Variants in THADA observed in about 807,000 individuals in gnomAD.
THADA encodes THADA armadillo repeat containing.
THADA carries 213 observed loss-of-function variants against 219.8 expected under a neutral mutation model. That is an observed-to-expected ratio of 0.97 (90% CI 0.87 to 1.09). THADA has a LOEUF of 1.09. THADA is among the 50% of genes least tolerant of loss of function. THADA has a pLI of 0.00. For missense variants in THADA, 2,956 were observed against 2,311.3 expected (o/e 1.28, Z -5.72); for synonymous variants, 1,018 against 828.9 (o/e 1.23, Z -3.92).
At chr2:43,578,485 T>C (rs1343968481) in intron 9 of THADA, 28 bp downstream of exon 9, 17 of 1,552,594 alleles carry the variant, frequency 1.1e-5, no homozygotes, top group African/African-American at 4.1e-5. Flanking sequence ...CTCAATAAAG[T>C]ACAATTCTAA....
chr2:43,348,603 A>C lies in THADA; in HGVS notation c.4228-4366T>G, dbSNP rs187018211. Reference sequence around the variant, plus strand: ...TAAACTAAAACAGCAATGGAAGGAGAGGAAAGGATACATCTGAGAGAGCTT... The same window carrying C: ...TAAACTAAAACAGCAATGGAAGGAGCGGAAAGGATACATCTGAGAGAGCTT... On this transcript the variant is annotated intron_variant, in intron 29 of 37. Coordinates refer to ENST00000405975, the MANE Select transcript of THADA (RefSeq NM_022065.5). 1.7e-3 allele frequency among the ~76,000 whole-genome samples: 260 copies of C among 152,208 alleles called. 2 individuals are homozygous for C. The highest frequency in any genetic ancestry group is 6.0e-3 in the African/African-American group (248 of 41,536).
At chr2:43,431,154 C>T (rs1388497018) in intron 26 of THADA, among the ~76,000 whole-genome samples, 1 of 152,168 alleles carries the variant, frequency 6.6e-6, no homozygotes, top group Non-Finnish European at 1.5e-5. Flanking sequence ...TATTCCCTAA[C>T]CTACCCATTT....
intron 25 of THADA, among the ~76,000 whole-genome samples, chr2:43,490,849 T>C (rs1687543215): frequency 6.6e-6 from 1 of 152,096 alleles, no homozygotes; most frequent in South Asian, 2.1e-4. Context: ...AGGCATCCAC[T>C]GGGGGTCTTG....
rs1185051658 is a variant in THADA at position 43,595,936 on chromosome 2, G to A, written c.-30C>T. 6 of 152,344 alleles carry A rather than the reference G, an allele frequency of 3.9e-5. No homozygotes were observed. Among genetic ancestry groups the A allele is most frequent in the African/African-American group, 1.2e-4 (5 of 41,462 alleles). The allele number at this position is 152,344 out of a possible 1,614,324, so 9.4% of individuals were successfully genotyped here. On this transcript the variant is annotated 5_prime_UTR_variant, in exon 1 of 38. Coordinates refer to ENST00000405975, the MANE Select transcript of THADA (RefSeq NM_022065.5). ...AGGACACCTGGGAGCCAAACCTCGTGCACGTCGGCGTCTGAGAAGAGTCGC... is the reference window on the plus strand; with the variant it reads ...AGGACACCTGGGAGCCAAACCTCGTACACGTCGGCGTCTGAGAAGAGTCGC...
intron 26 of THADA, among the ~76,000 whole-genome samples, chr2:43,448,773 C>A (rs1020726789): frequency 6.6e-6 from 1 of 151,988 alleles, no homozygotes; most frequent in Admixed American, 6.6e-5. Context: ...CTGACACAGA[C>A]AAAGCCTACC....
intron 13 of THADA, among the ~76,000 whole-genome samples, chr2:43,571,304 T>C (rs1699271961): frequency 6.8e-6 from 1 of 146,436 alleles, no homozygotes; most frequent in Non-Finnish European, 1.5e-5. Context: ...CAGGCTGGAG[T>C]GCAGTGGTAC....
At chr2:43,398,187 C>T (rs1401198039) in intron 28 of THADA, 48 bp from the exon 29 acceptor site, 8 of 1,582,810 alleles carry the variant, frequency 5.1e-6, no homozygotes, top group East Asian at 4.5e-5. Context: ...ATCTCCACAT[C>T]TGTGACTTTG....
At chr2:43,518,886 G>A (rs144923837) in intron 22 of THADA, among the ~76,000 whole-genome samples, 30 of 152,140 alleles carry the variant, frequency 2.0e-4, no homozygotes, top group Admixed American at 3.3e-4. Flanking sequence ...GGGAGTCCCA[G>A]GTCACACTAT....
At chr2:43,512,002 A>G (rs537666626) in intron 22 of THADA, among the ~76,000 whole-genome samples, 1 of 152,228 alleles carries the variant, frequency 6.6e-6, no homozygotes, top group Non-Finnish European at 1.5e-5. Context: ...GTATAACTGT[A>G]AACAGTGAAC....
At chr2:43,425,598 C>G (rs1416142242) in intron 28 of THADA, among the ~76,000 whole-genome samples, 2 of 152,056 alleles carry the variant, frequency 1.3e-5, no homozygotes, top group Admixed American at 1.3e-4. Context: ...GACTCTCAGG[C>G]CTCACCTCAG....
intron 28 of THADA, among the ~76,000 whole-genome samples, chr2:43,423,355 C>T (rs1459786672): frequency 2.6e-5 from 4 of 152,068 alleles, no homozygotes; most frequent in Non-Finnish European, 5.9e-5. Context: ...TTGGACTTTC[C>T]AGCATTTGAA....
At chr2:43,470,760 T>G (rs1224054029) in intron 26 of THADA, among the ~76,000 whole-genome samples, 1 of 152,170 alleles carries the variant, frequency 6.6e-6, no homozygotes, top group Non-Finnish European at 1.5e-5. Context: ...GTGAAACAGA[T>G]AGAGGCAACA....
chr2:43,310,281 G>T (rs1677362202), intron 31 of THADA, among the ~76,000 whole-genome samples: 1 of 130,580 alleles, frequency 7.7e-6, no homozygotes, highest in South Asian at 2.4e-4. Flanking sequence ...AAGGAACCCA[G>T]AATAGGCAAA....
chr2:43,339,738 A>AT (rs1666867547), intron 30 of THADA, among the ~76,000 whole-genome samples: 1 of 152,190 alleles, frequency 6.6e-6, no homozygotes, highest in South Asian at 2.1e-4. Context: ...TATAATACTA[A>AT]TTACAACTCT....
chr2:43,522,467 T>C (rs1041878828), intron 22 of THADA, among the ~76,000 whole-genome samples: 1 of 152,148 alleles, frequency 6.6e-6, no homozygotes, highest in Non-Finnish European at 1.5e-5. Flanking sequence ...TTAAAAGAAG[T>C]CATTGGAAGA....
intron 26 of THADA, among the ~76,000 whole-genome samples, chr2:43,469,997 G>C (rs570323816): frequency 1.3e-5 from 2 of 152,178 alleles, no homozygotes; most frequent in Admixed American, 1.3e-4. Context: ...GATCACTTGA[G>C]CTCAGGAGTT....
intron 4 of THADA, 89 bp downstream of exon 4, chr2:43,590,735 C>G (rs1701468854): frequency 1.5e-6 from 2 of 1,376,588 alleles, no homozygotes; most frequent in Non-Finnish European, 2.0e-6. Flanking sequence ...TGTATCAGTT[C>G]AGTTTTATCA....
intron 30 of THADA, among the ~76,000 whole-genome samples, chr2:43,341,890 A>G (rs1667099838): frequency 1.3e-5 from 2 of 152,182 alleles, no homozygotes; most frequent in South Asian, 4.1e-4. Flanking sequence ...CTTCATGGGT[A>G]AGCAACTCCT....
At chr2:43,459,012 T>G (rs948780012) in intron 26 of THADA, among the ~76,000 whole-genome samples, 3 of 152,210 alleles carry the variant, frequency 2.0e-5, no homozygotes, top group African/African-American at 7.2e-5. Flanking sequence ...GTCTACATTA[T>G]TCTAACAAAC....
Sources: gnomAD v4.1 joint callset for allele counts (sites outside exome capture counted in the v4.1 genomes callset) on GRCh38, gnomAD v4.1.1 for gene constraint, MANE v1.5 for transcripts, NCBI Gene and HGNC (gene_info 2026-07-23, HGNC 2026-07-21) for gene names.